The following CACNA1B variants were observed in gnomAD, a reference collection of about 807,000 sequenced individuals.
The protein encoded by CACNA1B is voltage-dependent N-type calcium channel subunit alpha-1B.
CACNA1B carries 70 observed loss-of-function variants against 247.2 expected under a neutral mutation model. That is an observed-to-expected ratio of 0.28 (90% CI 0.23 to 0.35). The LOEUF (loss-of-function observed/expected upper bound fraction) is 0.35, where lower values mean the gene tolerates loss of function less well. Among genes scored for constraint, CACNA1B ranks in the 10% least tolerant of loss-of-function variants. The pLI is 1.00. For missense variants in CACNA1B, 2,367 were observed against 3,197.4 expected, an observed-to-expected ratio of 0.74 and a Z score of 6.26; for synonymous variants, 1,231 against 1,294.4, an observed-to-expected ratio of 0.95 and a Z score of 1.05.
chr9:137,962,387 C>T (rs1466806228), intron 10 of CACNA1B, among the ~76,000 whole-genome samples: 2 of 150,378 alleles, frequency 1.3e-5, no homozygotes, highest in East Asian at 3.9e-4. Flanking sequence ...TTTCTATCTC[C>T]TTCAGTTCAG....
At position 138,012,713 on chromosome 9, in the gene CACNA1B, C is replaced by CT. The variant is rs1186644452; in HGVS notation, c.2161-415dup. 6.9e-6 allele frequency among the ~76,000 whole-genome samples: 1 copy of CT among 145,470 alleles called. No individual in the cohort carries two copies. Among genetic ancestry groups the CT allele is most frequent in the African/African-American group, 2.6e-5 (1 of 38,896 alleles). On this transcript the variant is annotated intron_variant, in intron 17 of 46. Transcript: ENST00000371372. The surrounding 1 kb of genome is among the most constrained non-coding windows in gnomAD (Gnocchi z 4.2). ...TGGGTGACAGAGCGAGACCCTGTCT[C>CT]TAAAAAAAAAAAAAACAAATAACAA... is the stretch of plus-strand genomic sequence containing the variant.
Position 137,914,598 on chromosome 9 carries a change from A to C in CACNA1B, c.623-56A>C, listed in dbSNP as rs1314451423. ...GCTGTTCTGTCCCTGCCCCCACCAA[A>C]TTCCTTGCCCTACCCTGCCCACGTT... On this transcript the variant is annotated intron_variant, in intron 4 of 46. Coordinates refer to ENST00000371372, the MANE Select transcript of CACNA1B (RefSeq NM_000718.4). This position sits in a 1 kb window ranked among gnomAD's most constrained non-coding sequence, Gnocchi z 4.3. The C allele has an allele frequency of 1.3e-6, 2 of 1,520,490 alleles. No homozygotes were observed. The highest frequency in any genetic ancestry group is 1.7e-5 in the Admixed American group (1 of 57,984). 94.2% of individuals were successfully genotyped at this position (1,520,490 alleles called of 1,614,324 possible).
Position 137,952,450 on chromosome 9 carries a change from G to T in CACNA1B, c.1070+73G>T. On this transcript the variant is annotated intron_variant, in intron 7 of 46. Coordinates refer to ENST00000371372, the MANE Select transcript of CACNA1B (RefSeq NM_000718.4). The surrounding 1 kb of genome is among the most constrained non-coding windows in gnomAD (Gnocchi z 4.8). ...CTGAGGGGTCAACAGGGGCACGTGTGACACTTGGGGTGGGGGCCTGGCCCA... is the reference window on the plus strand; with the variant it reads ...CTGAGGGGTCAACAGGGGCACGTGTTACACTTGGGGTGGGGGCCTGGCCCA... The T allele has an allele frequency of 7.9e-7, 1 of 1,273,130 alleles. No homozygotes were observed. The highest frequency in any genetic ancestry group is 1.2e-5 in the South Asian group (1 of 83,356). 78.9% of individuals were successfully genotyped at this position (1,273,130 alleles called of 1,614,324 possible).
chr9:137,911,186 G>A (rs774727361), intron 3 of CACNA1B, among the ~76,000 whole-genome samples: 55 of 151,974 alleles, frequency 3.6e-4, no homozygotes, highest in Non-Finnish European at 6.9e-4. Flanking sequence ...TTATTTCTGG[G>A]TTATTATTCT....
intron 3 of CACNA1B, among the ~76,000 whole-genome samples, chr9:137,897,507 A>C (rs1307229798): frequency 6.6e-6 from 1 of 151,956 alleles, no homozygotes; most frequent in Non-Finnish European, 1.5e-5. Flanking sequence ...TTGAACCCGG[A>C]AGGTAGAGGT....
intron 37 of CACNA1B, among the ~76,000 whole-genome samples, chr9:138,098,327 G>C (rs1217512766): frequency 1.3e-5 from 2 of 152,190 alleles, no homozygotes; most frequent in Non-Finnish European, 2.9e-5. Context: ...CCTAGACCTT[G>C]TTAGGCAAAG....
intron 2 of CACNA1B, among the ~76,000 whole-genome samples, chr9:137,879,707 A>G (rs963596410): frequency 1.3e-5 from 2 of 152,192 alleles, no homozygotes; most frequent in African/African-American, 2.4e-5. Context: ...ATTCCAGCCA[A>G]GAGGCCCCCG....
intron 6 of CACNA1B, among the ~76,000 whole-genome samples, chr9:137,947,338 G>C (rs983520999): frequency 2.0e-5 from 3 of 152,144 alleles, no homozygotes; most frequent in African/African-American, 7.2e-5. Context: ...CTGTTCTTTT[G>C]TTACTTGGAT....
In CACNA1B at chr9:138,057,843, A is replaced by G. The variant is rs200281537; in HGVS notation, c.4080A>G (p.Thr1360=). ...TCTGGGCTCTGCTGACGCTGTTCAC[A>G]GTGTCCACGGGAGAAGGCTGGCCCA... is the stretch of plus-strand genomic sequence containing the variant. The part of the protein sequence containing the change: ...NVLWALLTLF[T]VSTGEGWPMV... Residue 1360 remains threonine (T), a synonymous_variant, in exon 27 of 47, where the codon ACA becomes ACG. Coordinates refer to ENST00000371372, the MANE Select transcript of CACNA1B (RefSeq NM_000718.4). The surrounding 1 kb of genome is among the most constrained non-coding windows in gnomAD (Gnocchi z 4.0). 1.9e-6 allele frequency: 3 copies of G among 1,608,386 alleles called. No homozygotes were observed. The highest frequency in any genetic ancestry group is 1.3e-5 in the African/African-American group (1 of 74,830).
chr9:138,081,451 T>G (rs544848241), intron 36 of CACNA1B, among the ~76,000 whole-genome samples: 5 of 152,172 alleles, frequency 3.3e-5, no homozygotes, highest in Non-Finnish European at 5.9e-5. Flanking sequence ...TTGAAACACT[T>G]GGATGTGGTT....
chr9:138,049,795 A>ACGTC (rs1164251906), intron 24 of CACNA1B, among the ~76,000 whole-genome samples: 1 of 152,128 alleles, frequency 6.6e-6, no homozygotes, highest in Non-Finnish European at 1.5e-5. Flanking sequence ...GGGGCATTAG[A>ACGTC]CGTCTCCTCT....
intron 37 of CACNA1B, among the ~76,000 whole-genome samples, chr9:138,097,510 A>G (rs1484192490): frequency 6.6e-6 from 1 of 152,138 alleles, no homozygotes; most frequent in Admixed American, 6.5e-5. Flanking sequence ...AGCAATGTCT[A>G]CTGTGGGCTG....
At chr9:138,025,309 C>A (rs949955741) in intron 20 of CACNA1B, 137 bp downstream of exon 20, 10 of 635,014 alleles carry the variant, frequency 1.6e-5, no homozygotes, top group Non-Finnish European at 2.8e-5. Context: ...AGAGAGAGTC[C>A]TTTGCTGTCA....
intron 13 of CACNA1B, among the ~76,000 whole-genome samples, chr9:137,985,288 G>A (rs1228787006): frequency 6.6e-6 from 1 of 152,210 alleles, no homozygotes; most frequent in Non-Finnish European, 1.5e-5. Context: ...GAGTCCCGCT[G>A]GGTCCATGAA....
intron 10 of CACNA1B, among the ~76,000 whole-genome samples, chr9:137,963,006 G>T (rs1958037009): frequency 6.6e-6 from 1 of 152,156 alleles, no homozygotes; most frequent in Admixed American, 6.5e-5. Flanking sequence ...TTGTTATTGT[G>T]TGAGAGTCTA....
Position 138,121,621 on chromosome 9 carries a change from C to T in CACNA1B, c.6642C>T (p.Ala2214=), listed in dbSNP as rs201711394. 9.9e-5 allele frequency: 160 copies of T among 1,613,044 alleles called. 1 individual carries two copies. Among genetic ancestry groups the T allele is most frequent in the African/African-American group, 4.9e-4 (37 of 75,000 alleles). ...KTANSSPIHF[A]GAQTSLPAFS... is the part of the protein sequence containing the mutation. ...CCAACTCCTCACCCATCCACTTCGC[C>T]GGGGCTCAGACCAGCCTCCCTGCCT... is the stretch of plus-strand genomic sequence containing the variant. The change falls in exon 47 of 47, where the codon GCC becomes GCT. Residue 2214 remains alanine (A), a synonymous_variant. Transcript: ENST00000371372. The surrounding 1 kb of genome is among the most constrained non-coding windows in gnomAD (Gnocchi z 6.8).
intron 3 of CACNA1B, among the ~76,000 whole-genome samples, chr9:137,900,367 C>G (rs1299516406): frequency 6.6e-6 from 1 of 152,162 alleles, no homozygotes; most frequent in African/African-American, 2.4e-5. Context: ...ACTCCCCGAC[C>G]TTGGGTGCCA....
intron 6 of CACNA1B, among the ~76,000 whole-genome samples, chr9:137,928,690 T>C (rs1957578219): frequency 6.6e-6 from 1 of 152,236 alleles, no homozygotes. Context: ...GAGTTTTTTG[T>C]ATGTTCAAAA....
At chr9:138,113,849 G>T (rs1311486654) in intron 40 of CACNA1B, among the ~76,000 whole-genome samples, 1 of 140,080 alleles carries the variant, frequency 7.1e-6, no homozygotes, top group African/African-American at 2.8e-5. Flanking sequence ...TCTTGTGGGA[G>T]ACGTGAGGGA....
Sources: gnomAD v4.1 joint callset for allele counts (sites outside exome capture counted in the v4.1 genomes callset) on GRCh38, gnomAD v4.1.1 for gene constraint, Gnocchi (gnomAD v3.1) non-coding constraint, MANE v1.5 for transcripts, NCBI Gene and HGNC (gene_info 2026-07-23, HGNC 2026-07-21) for gene names.